ROBO1: variants seen among roughly 807,000 people sequenced by gnomAD.
The protein encoded by ROBO1 is roundabout homolog 1.
In ROBO1, 149 loss-of-function variants were observed where a neutral mutation model predicts 195.9. The ratio of observed to expected loss-of-function variants is 0.76; its 90% CI spans 0.67 to 0.87. The LOEUF is 0.87. ROBO1 is among the 40% of genes least tolerant of loss of function. ROBO1 has a pLI of 0.00. For synonymous variants in ROBO1, 816 were observed against 733.2 expected, an observed-to-expected ratio of 1.11 and a Z score of -1.82; for missense variants, 1,933 against 2,068.3, an observed-to-expected ratio of 0.93 and a Z score of 1.27.
intron 2 of ROBO1, among the ~76,000 whole-genome samples, chr3:79,442,202 T>C (rs1476141053): frequency 6.6e-6 from 1 of 152,172 alleles, no homozygotes; most frequent in African/African-American, 2.4e-5. Context: ...TACAACTATT[T>C]TGGTCTCTCA....
chr3:78,701,735 A>G (rs1192534259), intron 8 of ROBO1, among the ~76,000 whole-genome samples: 3 of 152,128 alleles, frequency 2.0e-5, no homozygotes, highest in Non-Finnish European at 4.4e-5. Flanking sequence ...CGGCCTATCT[A>G]TCAGGTTTAG....
rs1166250669 is a variant in ROBO1 at position 78,673,562 on chromosome 3, T to TTATATATA, written c.1343-3269_1343-3262dup. Among the ~76,000 whole-genome samples the TTATATATA allele has an allele frequency of 2.1e-3, 136 of 63,298 alleles. 2 individuals are homozygous for TTATATATA. Among genetic ancestry groups the TTATATATA allele is most frequent in the Non-Finnish European group, 2.8e-3 (88 of 30,902 alleles). 41.5% of individuals were successfully genotyped at this position (63,298 alleles called of 152,430 possible). On this transcript the variant is annotated intron_variant, in intron 10 of 30. Coordinates refer to ENST00000464233, the MANE Select transcript of ROBO1 (RefSeq NM_002941.4). ...ATATTACAGCTAGGTTACATATATT[T>TTATATATA]TATATATATATATATATATATATAT...
At chr3:78,780,908 C>G (rs1456326637) in intron 4 of ROBO1, among the ~76,000 whole-genome samples, 1 of 151,968 alleles carries the variant, frequency 6.6e-6, no homozygotes, top group Non-Finnish European at 1.5e-5. Flanking sequence ...GAATATTGTT[C>G]CTGACTTAAT....
chr3:79,701,137 T>C (rs79623543), intron 1 of ROBO1, among the ~76,000 whole-genome samples: 12 of 151,802 alleles, frequency 7.9e-5, no homozygotes, highest in African/African-American at 2.7e-4. Context: ...TGACTGTAGA[T>C]GTGCAGCTTT....
At chr3:79,612,567 A>G (rs11720142) in intron 1 of ROBO1, among the ~76,000 whole-genome samples, 84,179 of 148,584 alleles carry the variant, frequency 0.57, 25,197 homozygotes, top group East Asian at 0.88. Context: ...GCTGGGTCAA[A>G]TGGTATTTTC....
intron 2 of ROBO1, among the ~76,000 whole-genome samples, chr3:79,166,815 T>G (rs2081076412): frequency 1.3e-5 from 2 of 152,052 alleles, no homozygotes; most frequent in South Asian, 4.1e-4. Flanking sequence ...TGATCCGCTA[T>G]TTTTCTTAAT....
chr3:79,710,154 A>G (rs1360045826), intron 1 of ROBO1, among the ~76,000 whole-genome samples: 1 of 152,160 alleles, frequency 6.6e-6, no homozygotes, highest in Non-Finnish European at 1.5e-5. Flanking sequence ...AGGAAAAGAG[A>G]TATGGAAGAT....
intron 2 of ROBO1, among the ~76,000 whole-genome samples, chr3:79,186,272 C>A (rs950844771): frequency 6.9e-6 from 1 of 144,354 alleles, no homozygotes; most frequent in East Asian, 1.9e-4. Context: ...ATCAATGAAT[C>A]CGGTTCTTCC....
intron 4 of ROBO1, among the ~76,000 whole-genome samples, chr3:78,751,776 A>C (rs1434201150): frequency 5.3e-5 from 8 of 152,178 alleles, no homozygotes; most frequent in Non-Finnish European, 1.2e-4. Flanking sequence ...CATAACACAT[A>C]TGATGTGCTA....
At chr3:79,036,937 C>T (rs747745889) in intron 3 of ROBO1, among the ~76,000 whole-genome samples, 1 of 152,104 alleles carries the variant, frequency 6.6e-6, no homozygotes, top group Non-Finnish European at 1.5e-5. Flanking sequence ...TTCTCGAGTT[C>T]TCATAGCAAA....
In ROBO1 at chr3:78,597,931, G is replaced by GTGAT. The variant is rs1047809773; in HGVS notation, c.*978_*981dup. On this transcript the variant is annotated 3_prime_UTR_variant, in exon 31 of 31. Transcript: ENST00000464233. ...TACAATGGTTTACAAATAAAGTTTAGTGATTGTGCTTTTAAAACCAAAAAA... is the reference window on the plus strand; with the variant it reads ...TACAATGGTTTACAAATAAAGTTTAGTGATTGATTGTGCTTTTAAAACCAAAAAA... 5 of 133,956 alleles carry GTGAT rather than the reference G, an allele frequency of 3.7e-5. No homozygotes were observed. The highest frequency in any genetic ancestry group is 6.2e-5 in the Non-Finnish European group (4 of 64,040). 8.3% of individuals were successfully genotyped at this position (133,956 alleles called of 1,614,324 possible). A position where few individuals can be genotyped will look rare whatever the true frequency, so the allele number is the denominator to read the frequency against.
Position 78,746,788 on chromosome 3 carries a change from C to T in ROBO1, c.612G>A (p.Trp204Ter). 1 of 1,580,180 alleles carries T rather than the reference C, an allele frequency of 6.3e-7. No homozygotes were observed. Among genetic ancestry groups the T allele is most frequent in the Non-Finnish European group, 8.6e-7 (1 of 1,157,620 alleles). The change falls in exon 5 of 31, where the codon TGG becomes TGA. Residue 204 changes from tryptophan (W) to a stop codon, truncating the protein, a stop_gained. Coordinates refer to ENST00000464233, the MANE Select transcript of ROBO1 (RefSeq NM_002941.4). LOFTEE classifies it high-confidence loss of function. ...PRGHPEPTIS[W>*]KKDGSPLDDK... ...CATCCAGTGGAGAGCCATCTTTCTT[C>T]CATGAAATGGTGGGCTCAGGATGGC...
At chr3:79,146,642 T>C (rs1378633) in intron 2 of ROBO1, among the ~76,000 whole-genome samples, 106,293 of 151,750 alleles carry the variant, frequency 0.7, 37,248 homozygotes, top group East Asian at 0.79. Context: ...TGATTTTTCA[T>C]TGTTACCATT....
intron 10 of ROBO1, among the ~76,000 whole-genome samples, chr3:78,681,333 T>G (rs1183194487): frequency 6.6e-6 from 1 of 151,580 alleles, no homozygotes; most frequent in African/African-American, 2.4e-5. Flanking sequence ...TAAAGTATAA[T>G]AATAAAAAAA....
intron 16 of ROBO1, chr3:78,660,538 T>C (rs1272939466): frequency 6.5e-6 from 1 of 152,798 alleles, no homozygotes; most frequent in Non-Finnish European, 1.5e-5. Flanking sequence ...TTTATGTAAA[T>C]ATTGTTTAAT....
At chr3:79,222,258 G>T (rs940734261) in intron 2 of ROBO1, among the ~76,000 whole-genome samples, 1 of 152,044 alleles carries the variant, frequency 6.6e-6, no homozygotes, top group African/African-American at 2.4e-5. Context: ...TAAATGGAAA[G>T]AACTCAGTTT....
chr3:79,330,261 A>C (rs2034381532), intron 2 of ROBO1, among the ~76,000 whole-genome samples: 1 of 124,766 alleles, frequency 8.0e-6, no homozygotes, highest in African/African-American at 4.0e-5. Flanking sequence ...AAAGTATAAT[A>C]TGTATATATA....
intron 4 of ROBO1, among the ~76,000 whole-genome samples, chr3:78,804,732 C>CAAAAAAA (rs10576248): frequency 2.1e-5 from 2 of 93,180 alleles, no homozygotes; most frequent in African/African-American, 8.1e-5. Flanking sequence ...GGAGCAAAGG[C>CAAAAAAA]AAAAAAAAAA....
chr3:79,731,165 A>C (rs148780095), intron 1 of ROBO1, among the ~76,000 whole-genome samples: 1 of 152,264 alleles, frequency 6.6e-6, no homozygotes, highest in East Asian at 1.9e-4. Context: ...TGTGGAATGA[A>C]ATTGTGACAT....
Sources: gnomAD v4.1 joint callset for allele counts (sites outside exome capture counted in the v4.1 genomes callset) on GRCh38, gnomAD v4.1.1 for gene constraint, MANE v1.5 for transcripts, NCBI Gene and HGNC (gene_info 2026-07-23, HGNC 2026-07-21) for gene names.